Variants in SDC2 observed in about 807,000 individuals in gnomAD.
SDC2 encodes the protein syndecan-2.
Under a neutral mutation model 22.2 loss-of-function variants are expected in SDC2, and 13 were observed. The observed-to-expected ratio is 0.59, with a 90% confidence interval of 0.38 to 0.93. The LOEUF is 0.93. SDC2 is among the 40% of genes least tolerant of loss of function. The pLI, the probability that SDC2 is intolerant of heterozygous loss-of-function variation, is 0.00. For synonymous variants in SDC2, 94 were observed against 92.8 expected (o/e 1.01, Z -0.07); for missense variants, 235 against 246.8 (o/e 0.95, Z 0.32).
chr8:96,506,462 C>T (rs1252755491), intron 1 of SDC2, among the ~76,000 whole-genome samples: 5 of 150,862 alleles, frequency 3.3e-5, no homozygotes, highest in African/African-American at 9.9e-5. Flanking sequence ...ATATTATATA[C>T]ATTACATATA....
At chr8:96,546,934 A>G (rs10100191) in intron 1 of SDC2, among the ~76,000 whole-genome samples, 30,045 of 152,170 alleles carry the variant, frequency 0.2, 3,519 homozygotes, top group East Asian at 0.33. Flanking sequence ...GTATTGATTA[A>G]TGGACCCAGC....
At chr8:96,560,090 T>A (rs1814183338) in intron 1 of SDC2, among the ~76,000 whole-genome samples, 1 of 152,198 alleles carries the variant, frequency 6.6e-6, no homozygotes, top group South Asian at 2.1e-4. Context: ...TAGAACTTTT[T>A]CATCACCTCC....
intron 1 of SDC2, among the ~76,000 whole-genome samples, chr8:96,514,983 C>T (rs986264666): frequency 6.6e-6 from 1 of 152,194 alleles, no homozygotes; most frequent in Non-Finnish European, 1.5e-5. Context: ...CTAGCGCTCA[C>T]TTCCATGTTT....
At chr8:96,593,417 C>G (rs1445152103) in intron 1 of SDC2, 63 bp from the exon 2 acceptor site, 1 of 1,084,804 alleles carries the variant, frequency 9.2e-7, no homozygotes, top group East Asian at 2.4e-5. Flanking sequence ...CCTGAACAAT[C>G]AGATATACAA....
chr8:96,568,864 G>A lies in SDC2; in HGVS notation c.61-24616G>A, dbSNP rs184370575. Among the ~76,000 whole-genome samples the A allele has an allele frequency of 2.5e-3, 379 of 152,330 alleles. 3 individuals carry two copies. Among genetic ancestry groups the A allele is most frequent in the South Asian group, 0.011 (51 of 4,828 alleles). On this transcript the variant is annotated intron_variant, in intron 1 of 4. Transcript: ENST00000302190. ...GTTCATCTATTTGGGATAGGCAGAT[G>A]TAACCCAGAGTGCAATGCAGGTGAG...
chr8:96,562,041 T>C (rs1379224660), intron 1 of SDC2, among the ~76,000 whole-genome samples: 1 of 152,244 alleles, frequency 6.6e-6, no homozygotes, highest in Non-Finnish European at 1.5e-5. Context: ...ATCATGTGTT[T>C]GGTGTTGCAT....
At chr8:96,532,225 G>A (rs1367473239) in intron 1 of SDC2, among the ~76,000 whole-genome samples, 1 of 152,092 alleles carries the variant, frequency 6.6e-6, no homozygotes, top group Non-Finnish European at 1.5e-5. Context: ...ACCATTATTA[G>A]TAATAGCTGC....
At chr8:96,603,346 A>G (rs1316791628) in intron 3 of SDC2, among the ~76,000 whole-genome samples, 1 of 152,246 alleles carries the variant, frequency 6.6e-6, no homozygotes, top group Non-Finnish European at 1.5e-5. Flanking sequence ...TTCTGTAAGC[A>G]TTAATTGAAT....
At chr8:96,542,643 G>A (rs972666771) in intron 1 of SDC2, among the ~76,000 whole-genome samples, 2 of 151,748 alleles carry the variant, frequency 1.3e-5, no homozygotes, top group African/African-American at 4.8e-5. Context: ...GGGGCAGTGG[G>A]GCAGCTTCCC....
chr8:96,542,151 T>C (rs1416798701), intron 1 of SDC2, among the ~76,000 whole-genome samples: 4 of 152,208 alleles, frequency 2.6e-5, no homozygotes, highest in African/African-American at 9.6e-5. Context: ...GCTGCCCCAC[T>C]GCTGCATCCC....
chr8:96,518,926 G>A (rs1813452280), intron 1 of SDC2, among the ~76,000 whole-genome samples: 1 of 152,182 alleles, frequency 6.6e-6, no homozygotes, highest in Admixed American at 6.5e-5. Context: ...CAGTCAAGAA[G>A]TGTGCATGTC....
rs573562445 is a variant in SDC2, at chr8:96,567,282, A to G, written c.61-26198A>G. ...TCTGGTAGCGAAAGGGGAAGATTTC[A>G]TACCTCTTAATTGCAATTTGAACAG... On this transcript the variant is annotated intron_variant, in intron 1 of 4. Transcript: ENST00000302190. 4.6e-5 allele frequency among the ~76,000 whole-genome samples: 7 copies of G among 152,378 alleles called. No homozygotes were observed. The South Asian group carries it at 1.4e-3, about 32-fold the overall frequency.
chr8:96,599,377 C>G (rs987258535), intron 2 of SDC2, among the ~76,000 whole-genome samples: 1 of 152,074 alleles, frequency 6.6e-6, no homozygotes, highest in African/African-American at 2.4e-5. Flanking sequence ...TCTTTAAAAG[C>G]CCTAGACTGA....
intron 1 of SDC2, among the ~76,000 whole-genome samples, chr8:96,558,014 A>G (rs540958286): frequency 6.6e-6 from 1 of 152,128 alleles, no homozygotes; most frequent in Non-Finnish European, 1.5e-5. Flanking sequence ...GGTACTTTGT[A>G]AATAAAGCCC....
chr8:96,578,306 G>T (rs765184150), intron 1 of SDC2, among the ~76,000 whole-genome samples: 2 of 152,200 alleles, frequency 1.3e-5, no homozygotes, highest in Admixed American at 6.5e-5. Context: ...ATAGCCACAT[G>T]TGTCTATTTG....
intron 1 of SDC2, among the ~76,000 whole-genome samples, chr8:96,497,248 C>T (rs1813090809): frequency 6.6e-6 from 1 of 151,948 alleles, no homozygotes; most frequent in African/African-American, 2.4e-5. Context: ...TGTAACTTTG[C>T]AGTTCTTTAG....
chr8:96,599,390 T>G (rs1197511676), intron 2 of SDC2, among the ~76,000 whole-genome samples: 4 of 152,174 alleles, frequency 2.6e-5, no homozygotes, highest in African/African-American at 9.7e-5. Context: ...TAGACTGAAA[T>G]TTTTCATTTC....
At chr8:96,505,312 A>T (rs1813222118) in intron 1 of SDC2, among the ~76,000 whole-genome samples, 2 of 150,840 alleles carry the variant, frequency 1.3e-5, no homozygotes, top group African/African-American at 2.4e-5. Flanking sequence ...TATTATTTTT[A>T]TTTTTTTTTG....
intron 1 of SDC2, among the ~76,000 whole-genome samples, chr8:96,495,847 T>A (rs1813066366): frequency 6.6e-6 from 1 of 152,154 alleles, no homozygotes; most frequent in Admixed American, 6.5e-5. Flanking sequence ...ACATGAGTAT[T>A]TTGGGTGCTC....
Sources: gnomAD v4.1 joint callset for allele counts (sites outside exome capture counted in the v4.1 genomes callset) on GRCh38, gnomAD v4.1.1 for gene constraint, MANE v1.5 for transcripts, NCBI Gene and HGNC (gene_info 2026-07-23, HGNC 2026-07-21) for gene names.